Variants in SPG11 observed in about 807,000 individuals in gnomAD.
The protein encoded by SPG11 is SPG11 vesicle trafficking associated, spatacsin, also known as spatacsin.
A neutral mutation model predicts 274.0 loss-of-function variants in SPG11; 222 were observed. That is an observed-to-expected ratio of 0.81 (90% CI 0.73 to 0.91). The LOEUF is 0.91. Among genes scored for constraint, SPG11 ranks in the 40% least tolerant of loss-of-function variants. SPG11 has a pLI of 0.00. For synonymous variants in SPG11, 1,144 were observed against 1,039.7 expected (o/e 1.10, Z -1.93); for missense variants, 3,114 against 2,872.7 (o/e 1.08, Z -1.92).
chr15:44,606,122 G>A, intron 19 of SPG11, 31 bp from the exon 20 acceptor site: 1 of 1,592,328 alleles, frequency 6.3e-7, no homozygotes. Context: ...AACAGAATTA[G>A]AAGTTCACTG....
intron 4 of SPG11, among the ~76,000 whole-genome samples, chr15:44,654,577 G>A (rs1184365921): frequency 8.5e-5 from 13 of 152,244 alleles, no homozygotes; most frequent in African/African-American, 1.2e-4. Context: ...GGTGGCTCAC[G>A]CCTGTAATCC....
Position 44,663,500 on chromosome 15 carries a change from G to A in SPG11, c.148C>T (p.Gln50Ter). ...GTCAGGCTCCCCAGAGCCTCCGGCT[G>A]TGTGCGCAGCTGCGCCCGGGAGCCG... Reference protein sequence around the residue: ...QLGSRAQLRTQPEALGSLTAA... With the variant: ...QLGSRAQLRT Residue 50 changes from glutamine to a stop codon, truncating the protein, a stop_gained, in exon 1 of 40, where the codon CAG (glutamine) becomes TAG (stop). Transcript: ENST00000261866. LOFTEE classifies it high-confidence loss of function. 1 of 1,594,876 alleles carries A rather than the reference G, an allele frequency of 6.3e-7. No homozygotes were observed. Among genetic ancestry groups the A allele is most frequent in the African/African-American group, 1.3e-5 (1 of 74,650 alleles).
In SPG11 at chr15:44,651,559, A is replaced by C. The variant is rs3759871; in HGVS notation, c.1388T>G (p.Phe463Cys). 6.2e-7 allele frequency: 1 copy of C among 1,613,906 alleles called. No homozygotes were observed. Among genetic ancestry groups the C allele is most frequent in the East Asian group, 2.2e-5 (1 of 44,882 alleles). ...WDLETQGMQC[F>C]SLGTKCIPVD... is the part of the protein sequence containing the mutation. ...AGGAATACACTTTGTGCCAAGGGAA[A>C]AACACTGCATGCCCTGGGTCTCCAA... The change falls in exon 6 of 40, where the codon TTT (phenylalanine) becomes TGT (cysteine). Residue 463 changes from phenylalanine to cysteine, a missense_variant. Phe to Cys is a radical substitution (Grantham distance 205, BLOSUM62 -2). Transcript: ENST00000261866.
intron 19 of SPG11, among the ~76,000 whole-genome samples, chr15:44,607,992 C>T (rs914588481): frequency 1.3e-5 from 2 of 152,216 alleles, no homozygotes; most frequent in Non-Finnish European, 1.5e-5. Flanking sequence ...CAGGATACTA[C>T]ATTTCCCAAG....
At chr15:44,625,519 T>G (rs2083872680) in intron 11 of SPG11, among the ~76,000 whole-genome samples, 1 of 152,156 alleles carries the variant, frequency 6.6e-6, no homozygotes, top group South Asian at 2.1e-4. Flanking sequence ...TTCCTCTTTC[T>G]CCTGCCATGT....
At chr15:44,572,414 C>T (rs75872940) in intron 33 of SPG11, 8 of 439,440 alleles carry the variant, frequency 1.8e-5, no homozygotes, top group East Asian at 9.8e-5. Context: ...GGGACAATAA[C>T]GTTCTCTTTG....
chr15:44,608,814 G>A (rs558787256), intron 18 of SPG11, among the ~76,000 whole-genome samples: 2 of 152,116 alleles, frequency 1.3e-5, no homozygotes, highest in South Asian at 2.1e-4. Flanking sequence ...ATTTAATATC[G>A]GGTCTTTGTT....
chr15:44,663,592 G>C lies in SPG11; in HGVS notation c.56C>G (p.Thr19Ser). ...SAASAGGSWG[T>S]AAMGRVLPML... is the part of the protein sequence containing the mutation. ...CGGTAGAACCCGCCCCATGGCCGCGGTGCCCCAGCTACCGCCGGCGGAAGC... is the reference window on the plus strand; with the variant it reads ...CGGTAGAACCCGCCCCATGGCCGCGCTGCCCCAGCTACCGCCGGCGGAAGC... Residue 19 changes from threonine (T) to serine (S), a missense_variant, in exon 1 of 40, where the codon ACC (threonine) becomes AGC (serine). Thr to Ser is a moderately conservative substitution (Grantham distance 58). Transcript: ENST00000261866. 2 of 1,596,772 alleles carry C rather than the reference G, an allele frequency of 1.3e-6. No individual in the cohort carries two copies. The highest frequency in any genetic ancestry group is 1.3e-5 in the African/African-American group (1 of 74,920).
chr15:44,609,082 C>T (rs1208735501), intron 18 of SPG11, among the ~76,000 whole-genome samples: 3 of 152,058 alleles, frequency 2.0e-5, no homozygotes, highest in Non-Finnish European at 2.9e-5. Context: ...AAAGGTGGTA[C>T]TAAGTTAAGC....
intron 1 of SPG11, 71 bp downstream of exon 1, chr15:44,663,320 C>A: frequency 6.4e-7 from 1 of 1,556,644 alleles, no homozygotes; most frequent in Admixed American, 1.9e-5. Context: ...TCGGCGTGAG[C>A]CCTTGGGGCT....
chr15:44,610,877 AG>A lies in SPG11; in HGVS notation c.3253del (p.Ala1086LeufsTer23), dbSNP rs1484300299. 6.2e-7 allele frequency: 1 copy of A among 1,614,056 alleles called. No homozygotes were observed. Among genetic ancestry groups the A allele is most frequent in the East Asian group, 2.2e-5 (1 of 44,876 alleles). On this transcript the variant is annotated frameshift_variant, in exon 18 of 40. Coordinates refer to ENST00000261866, the MANE Select transcript of SPG11 (RefSeq NM_025137.4). LOFTEE classifies it high-confidence loss of function. Reference sequence around the variant, plus strand: ...CCCAGGAGAATACATTGTAGTAGCAAGGGCCAGGAGGGTATGTCCTTCCAAT... The same window carrying A: ...CCCAGGAGAATACATTGTAGTAGCAAGGCCAGGAGGGTATGTCCTTCCAAT... ...MLLEGHTLLA[L>X]ATTMYSPGGV...
At chr15:44,648,180 C>G (rs778765503) in intron 7 of SPG11, among the ~76,000 whole-genome samples, 2 of 152,148 alleles carry the variant, frequency 1.3e-5, no homozygotes, top group Non-Finnish European at 2.9e-5. Context: ...TAAAATCTTA[C>G]ATAAATTCAG....
At chr15:44,656,623 G>A (rs1024104089) in intron 4 of SPG11, among the ~76,000 whole-genome samples, 1 of 152,096 alleles carries the variant, frequency 6.6e-6, no homozygotes, top group African/African-American at 2.4e-5. Flanking sequence ...CTTGGGGGAG[G>A]GACGACTTCA....
chr15:44,583,825 C>G lies in SPG11; in HGVS notation c.5855G>C (p.Arg1952Thr). 1.2e-6 allele frequency: 2 copies of G among 1,614,164 alleles called. No individual in the cohort carries two copies. The highest frequency in any genetic ancestry group is 1.7e-6 in the Non-Finnish European group (2 of 1,180,032). Reference sequence around the variant, plus strand: ...TCTCCTTCACTTACTGCTGTGGACTCTCCTTAGGGGAATGTCGGGTGCTTC... The same window carrying G: ...TCTCCTTCACTTACTGCTGTGGACTGTCCTTAGGGGAATGTCGGGTGCTTC... Reference protein sequence around the residue: ...EEEAPDIPLRRVHSTSSLDSQ... With the variant: ...EEEAPDIPLRTVHSTSSLDSQ... Residue 1952 changes from arginine (R) to threonine (T), a missense_variant, in exon 30 of 40, where the codon AGA (arginine) becomes ACA (threonine). By Grantham distance (71) the Arg-to-Thr change is moderately conservative. Transcript: ENST00000261866.
At chr15:44,640,921 G>T (rs1468662435) in intron 7 of SPG11, among the ~76,000 whole-genome samples, 4 of 152,064 alleles carry the variant, frequency 2.6e-5, no homozygotes, top group African/African-American at 9.7e-5. Context: ...GTAGAGACGG[G>T]GTTTCACCAT....
chr15:44,595,005 C>T (rs1171143446), intron 26 of SPG11, among the ~76,000 whole-genome samples: 1 of 152,116 alleles, frequency 6.6e-6, no homozygotes, highest in South Asian at 2.1e-4. Context: ...TTAGTAGAGA[C>T]AGGGTTTCAC....
chr15:44,562,950 G>A lies in SPG11; in HGVS notation c.*171C>T, dbSNP rs2082222607. ...ATCTAAAATCAATCTATTTTAAATA[G>A]GAATTTCCTCCTGAAAAGTTTCTTA... On this transcript the variant is annotated 3_prime_UTR_variant, in exon 40 of 40. Transcript: ENST00000261866. 4.9e-6 allele frequency: 3 copies of A among 614,642 alleles called. No individual in the cohort carries two copies. The highest frequency in any genetic ancestry group is 2.8e-5 in the East Asian group (1 of 35,916). 38.1% of individuals were successfully genotyped at this position (614,642 alleles called of 1,614,324 possible). A position where few individuals can be genotyped will look rare whatever the true frequency, so the allele number is the denominator to read the frequency against.
intron 20 of SPG11, among the ~76,000 whole-genome samples, chr15:44,601,342 T>C (rs905972856): frequency 6.6e-6 from 1 of 151,710 alleles, no homozygotes; most frequent in African/African-American, 2.4e-5. Flanking sequence ...CTCACTGCAA[T>C]CTCCACTTCC....
At chr15:44,656,691 G>A (rs1028703727) in intron 4 of SPG11, among the ~76,000 whole-genome samples, 2 of 152,122 alleles carry the variant, frequency 1.3e-5, no homozygotes, top group African/African-American at 4.8e-5. Flanking sequence ...TAAACTGGAA[G>A]AAAAAGTCAT....
Sources: allele counts gnomAD v4.1 joint callset (sites outside exome capture counted in the v4.1 genomes callset), GRCh38; gene constraint gnomAD v4.1.1; transcripts MANE v1.5; gene names NCBI Gene and HGNC (gene_info 2026-07-23, HGNC 2026-07-21).